The following GARRE1 variants were observed in gnomAD, a reference collection of about 807,000 sequenced individuals.
GARRE1 encodes the protein granule associated Rac and RHOG effector protein 1.
A neutral mutation model predicts 103.2 loss-of-function variants in GARRE1; 49 were observed. The observed-to-expected ratio is 0.47, with a 90% CI of 0.38 to 0.60. The LOEUF (loss-of-function observed/expected upper bound fraction) is 0.60, where lower values mean the gene tolerates loss of function less well. Ranked by LOEUF, GARRE1 falls within the 20% of genes least tolerant of loss-of-function variation. The pLI, the probability that GARRE1 is intolerant of heterozygous loss-of-function variation, is 0.00. For missense variants in GARRE1, 1,199 were observed against 1,370.5 expected (o/e 0.87, Z 1.98); for synonymous variants, 505 against 532.8 (o/e 0.95, Z 0.72).
intron 2 of GARRE1, among the ~76,000 whole-genome samples, chr19:34,304,317 A>G (rs2073996115): frequency 6.9e-6 from 1 of 145,364 alleles, no homozygotes. Context: ...TCTCAAACTC[A>G]TGGCCTCAAA....
chr19:34,320,751 T>A (rs892271730), intron 3 of GARRE1, among the ~76,000 whole-genome samples: 5 of 151,262 alleles, frequency 3.3e-5, no homozygotes, highest in Non-Finnish European at 7.4e-5. Flanking sequence ...AGACAGGGTC[T>A]TGCTCTGTTG....
intron 1 of GARRE1, among the ~76,000 whole-genome samples, chr19:34,258,447 C>T (rs1032349503): frequency 6.6e-6 from 1 of 151,984 alleles, no homozygotes; most frequent in African/African-American, 2.4e-5. Context: ...TGTTCAGTAA[C>T]CCCTGGACAT....
chr19:34,341,077 C>T (rs568249812), intron 9 of GARRE1, among the ~76,000 whole-genome samples: 1 of 152,322 alleles, frequency 6.6e-6, no homozygotes, highest in South Asian at 2.1e-4. Flanking sequence ...CCCTCTGCTG[C>T]ATTTGCGTGG....
At chr19:34,275,937 C>T (rs779940829) in intron 1 of GARRE1, among the ~76,000 whole-genome samples, 3 of 152,188 alleles carry the variant, frequency 2.0e-5, no homozygotes, top group Non-Finnish European at 4.4e-5. Flanking sequence ...AGAGGTATCT[C>T]ATTGTGATTT....
chr19:34,323,916 C>T (rs761209907), intron 3 of GARRE1, among the ~76,000 whole-genome samples: 1 of 152,174 alleles, frequency 6.6e-6, no homozygotes, highest in Non-Finnish European at 1.5e-5. Flanking sequence ...GATGCCACCC[C>T]CTACTACACT....
rs552699402 is a variant in GARRE1, at chr19:34,258,871, C to T, written c.-796+4257C>T. The stretch of plus-strand genomic sequence containing the variant: ...CATGCTCTCAGGAGTTGGAGACCAG[C>T]CTGGGCAACATAGTGAGACCTCTGT... On this transcript the variant is annotated intron_variant, in intron 1 of 13. Transcript: ENST00000299505. 3.9e-5 allele frequency among the ~76,000 whole-genome samples: 6 copies of T among 151,974 alleles called. No homozygotes were observed. In the South Asian group the frequency reaches 1.0e-3, roughly 26 times the overall value.
At chr19:34,289,212 C>G (rs752699439) in intron 1 of GARRE1, among the ~76,000 whole-genome samples, 7 of 151,334 alleles carry the variant, frequency 4.6e-5, no homozygotes, top group Non-Finnish European at 2.9e-5. Context: ...AGGCAGGAAT[C>G]AGTTGAGGTC....
At chr19:34,316,676 T>G (rs992582306) in intron 2 of GARRE1, among the ~76,000 whole-genome samples, 9 of 152,238 alleles carry the variant, frequency 5.9e-5, no homozygotes, top group Admixed American at 2.6e-4. Context: ...GGTCCAGCGT[T>G]AACCATTGGT....
intron 1 of GARRE1, among the ~76,000 whole-genome samples, chr19:34,260,027 A>G (rs999004305): frequency 4.6e-5 from 7 of 152,196 alleles, no homozygotes; most frequent in African/African-American, 1.7e-4. Flanking sequence ...ACTGTGAATC[A>G]ATTAAGCCTC....
intron 4 of GARRE1, 88 bp downstream of exon 4, chr19:34,327,649 G>A: frequency 1.3e-6 from 2 of 1,508,920 alleles, no homozygotes; most frequent in Non-Finnish European, 1.8e-6. Flanking sequence ...AATTAGAAAG[G>A]GTTATAGAGT....
intron 1 of GARRE1, among the ~76,000 whole-genome samples, chr19:34,290,874 C>CGTT (rs2073913611): frequency 1.6e-5 from 1 of 63,196 alleles, no homozygotes; most frequent in Non-Finnish European, 2.8e-5. Flanking sequence ...AAGCATATTG[C>CGTT]TTTTTTTTTT....
At chr19:34,332,011 A>G (rs1042913672) in intron 7 of GARRE1, among the ~76,000 whole-genome samples, 3 of 151,850 alleles carry the variant, frequency 2.0e-5, no homozygotes, top group Non-Finnish European at 2.9e-5. Context: ...AAAAAAGGAT[A>G]TGGCATTTCA....
chr19:34,258,796 AAAAAG>A (rs1242634404), intron 1 of GARRE1, among the ~76,000 whole-genome samples: 2 of 151,768 alleles, frequency 1.3e-5, no homozygotes, highest in Admixed American at 6.6e-5. Flanking sequence ...TCTCAAAAAA[AAAAAG>A]AAAAGAAAAT....
At chr19:34,341,400 A>T (rs759342601) in intron 9 of GARRE1, 22 bp from the exon 10 acceptor site, 56 of 1,545,386 alleles carry the variant, frequency 3.6e-5, no homozygotes, top group Middle Eastern at 1.8e-4. Flanking sequence ...TTTTTTTTTT[A>T]AACAAATTTC....
In GARRE1 at chr19:34,352,786, T is replaced by A. The variant is rs1354592903; in HGVS notation, c.3044T>A (p.Leu1015Gln). The A allele has an allele frequency of 6.2e-7, 1 of 1,614,076 alleles. No homozygotes were observed. Among genetic ancestry groups the A allele is most frequent in the Non-Finnish European group, 8.5e-7 (1 of 1,180,028 alleles). ...CAGTGGAACGACACCATGCAGATGC[T>A]GCAGTCCCCAGTGTGGGCCGCAACC... ...GSQWNDTMQM[L>Q]QSPVWAATND... Residue 1015 changes from leucine to glutamine, a missense_variant, in exon 14 of 14, where the codon CTG becomes CAG. Leu to Gln is a moderately radical substitution (Grantham distance 113). Transcript: ENST00000299505.
intron 2 of GARRE1, among the ~76,000 whole-genome samples, chr19:34,309,203 A>T (rs1260987438): frequency 6.6e-6 from 1 of 152,202 alleles, no homozygotes; most frequent in Non-Finnish European, 1.5e-5. Context: ...CAAATTCACA[A>T]TGTGGCATAT....
chr19:34,315,074 T>A (rs2074053987), intron 2 of GARRE1, among the ~76,000 whole-genome samples: 1 of 152,222 alleles, frequency 6.6e-6, no homozygotes, highest in Admixed American at 6.5e-5. Flanking sequence ...GCACCCATCT[T>A]GTACCTACTT....
At chr19:34,296,698 T>C (rs1049936967) in intron 1 of GARRE1, 1 of 771,726 alleles carries the variant, frequency 1.3e-6, no homozygotes, top group Non-Finnish European at 2.2e-6. Flanking sequence ...CTGTGCCATT[T>C]TCGGGACTGG....
chr19:34,332,659 C>G (rs1044714274), intron 7 of GARRE1, among the ~76,000 whole-genome samples: 16 of 152,146 alleles, frequency 1.1e-4, no homozygotes, highest in Admixed American at 4.6e-4. Context: ...TATGGGAACT[C>G]TGTTTAAACC....
Sources: allele counts gnomAD v4.1 joint callset (sites outside exome capture counted in the v4.1 genomes callset), GRCh38; gene constraint gnomAD v4.1.1; transcripts MANE v1.5; gene names NCBI Gene and HGNC (gene_info 2026-07-23, HGNC 2026-07-21).